TMEM108: variants seen among roughly 807,000 people sequenced by gnomAD.
TMEM108 encodes cancer/testis antigen 124.
TMEM108 carries 12 observed loss-of-function variants against 35.1 expected under a neutral mutation model. That is an observed-to-expected ratio of 0.34 (90% confidence interval 0.22 to 0.55). The LOEUF is 0.55. TMEM108 is among the 20% of genes least tolerant of loss of function. The pLI, the probability that TMEM108 is intolerant of heterozygous loss-of-function variation, is 0.89. For missense variants in TMEM108, 680 were observed against 753.3 expected, an observed-to-expected ratio of 0.90 and a Z score of 1.14; for synonymous variants, 287 against 308.6, an observed-to-expected ratio of 0.93 and a Z score of 0.73.
intron 2 of TMEM108, among the ~76,000 whole-genome samples, chr3:133,166,309 T>C (rs938257936): frequency 2.6e-5 from 4 of 152,196 alleles, no homozygotes; most frequent in Admixed American, 1.3e-4. Flanking sequence ...CATTTACCTA[T>C]GTAACAAATC....
At chr3:133,073,532 A>ATATATATATATATATATT (rs1324857078) in intron 2 of TMEM108, among the ~76,000 whole-genome samples, 8 of 134,416 alleles carry the variant, frequency 6.0e-5, no homozygotes, top group African/African-American at 2.3e-4. Context: ...ATATATATAT[A>ATATATATATATATATATT]TATCACATTT....
chr3:133,077,412 C>T (rs758087695), intron 2 of TMEM108, among the ~76,000 whole-genome samples: 1 of 152,064 alleles, frequency 6.6e-6, no homozygotes, highest in Non-Finnish European at 1.5e-5. Flanking sequence ...CAGGGGCAGG[C>T]GGTGAGATAG....
chr3:133,073,510 C>CTCTATATATATATATATATATA, intron 2 of TMEM108, among the ~76,000 whole-genome samples: 1 of 43,918 alleles, frequency 2.3e-5, no homozygotes, highest in South Asian at 8.2e-4. Flanking sequence ...CTCTCTCTCT[C>CTCTATATATATATATATATATA]TATATATATA....
intron 2 of TMEM108, among the ~76,000 whole-genome samples, chr3:133,097,963 G>A (rs1300570551): frequency 3.3e-5 from 5 of 152,218 alleles, no homozygotes; most frequent in Admixed American, 1.3e-4. Context: ...CAAGGAAAGA[G>A]AAGGGCTGCC....
chr3:133,343,732 G>A (rs975735343), intron 3 of TMEM108, among the ~76,000 whole-genome samples: 1 of 151,762 alleles, frequency 6.6e-6, no homozygotes, highest in African/African-American at 2.4e-5. Context: ...ATGTTAGGGT[G>A]TATAAACTCT....
At chr3:133,191,014 G>GA (rs550640714) in intron 2 of TMEM108, among the ~76,000 whole-genome samples, 1 of 98,638 alleles carries the variant, frequency 1.0e-5, no homozygotes, top group Admixed American at 1.0e-4. Context: ...TCTTAGCAAA[G>GA]AAAAAAAAAG....
intron 2 of TMEM108, among the ~76,000 whole-genome samples, chr3:133,206,997 TG>T (rs1945765716): frequency 1.3e-5 from 2 of 152,158 alleles, no homozygotes; most frequent in Non-Finnish European, 2.9e-5. Flanking sequence ...AGACATGCCC[TG>T]CCTAGAGAGG....
intron 4 of TMEM108, among the ~76,000 whole-genome samples, chr3:133,383,894 C>T (rs1039356306): frequency 2.0e-5 from 3 of 152,208 alleles, no homozygotes; most frequent in African/African-American, 7.2e-5. Context: ...GAGGCTCTTG[C>T]CTTGGCCCTG....
At chr3:133,265,230 A>C (rs960789584) in intron 3 of TMEM108, among the ~76,000 whole-genome samples, 3 of 152,188 alleles carry the variant, frequency 2.0e-5, no homozygotes, top group Non-Finnish European at 4.4e-5. Flanking sequence ...TATGTGTTCT[A>C]TTAACTTACT....
chr3:133,070,321 G>A (rs1254710985), intron 2 of TMEM108, among the ~76,000 whole-genome samples: 2 of 152,130 alleles, frequency 1.3e-5, no homozygotes, highest in African/African-American at 4.8e-5. Context: ...CACAAGTGAG[G>A]ACAAGAGAGG....
At chr3:133,334,122 A>G (rs952951815) in intron 3 of TMEM108, among the ~76,000 whole-genome samples, 2 of 152,138 alleles carry the variant, frequency 1.3e-5, no homozygotes, top group African/African-American at 2.4e-5. Context: ...CTGGGGAAAA[A>G]AAAAGAAAAA....
intron 2 of TMEM108, among the ~76,000 whole-genome samples, chr3:133,050,975 C>A (rs573439396): frequency 7.6e-6 from 1 of 131,340 alleles, no homozygotes; most frequent in Non-Finnish European, 1.7e-5. Flanking sequence ...AATCTGTGTG[C>A]GAGTTTTTTT....
intron 2 of TMEM108, among the ~76,000 whole-genome samples, chr3:133,201,276 AC>A (rs1395152418): frequency 4.0e-5 from 6 of 151,838 alleles, no homozygotes; most frequent in Non-Finnish European, 8.8e-5. Flanking sequence ...CAACTTTTAG[AC>A]CTGAATTTTA....
chr3:133,308,234 TG>T (rs2071071974), intron 3 of TMEM108, among the ~76,000 whole-genome samples: 1 of 152,214 alleles, frequency 6.6e-6, no homozygotes, highest in Non-Finnish European at 1.5e-5. Flanking sequence ...TTGCTGAAGT[TG>T]CTTATCAGCT....
chr3:133,044,138 G>T (rs1206656760), intron 1 of TMEM108, among the ~76,000 whole-genome samples: 1 of 152,150 alleles, frequency 6.6e-6, no homozygotes, highest in Admixed American at 6.5e-5. Context: ...TAGAAGAATA[G>T]AAATTACCTT....
intron 3 of TMEM108, among the ~76,000 whole-genome samples, chr3:133,362,510 C>T (rs1199548733): frequency 6.6e-6 from 1 of 152,162 alleles, no homozygotes; most frequent in African/African-American, 2.4e-5. Flanking sequence ...TCTCTATGAC[C>T]CTACTGAAGA....
At chr3:133,149,484 A>T (rs1285384752) in intron 2 of TMEM108, among the ~76,000 whole-genome samples, 1 of 152,164 alleles carries the variant, frequency 6.6e-6, no homozygotes, top group Non-Finnish European at 1.5e-5. Context: ...GAAAGTTTGT[A>T]TCCTTTGATC....
intron 3 of TMEM108, among the ~76,000 whole-genome samples, chr3:133,340,265 A>G (rs1047389061): frequency 6.6e-6 from 1 of 151,856 alleles, no homozygotes; most frequent in African/African-American, 2.4e-5. Flanking sequence ...TACAGCTGAT[A>G]CTGCAGAAAT....
intron 2 of TMEM108, among the ~76,000 whole-genome samples, chr3:133,175,418 G>C (rs1440701936): frequency 6.6e-6 from 1 of 152,202 alleles, no homozygotes; most frequent in Non-Finnish European, 1.5e-5. Flanking sequence ...AGGGCAGCCA[G>C]AGAGAAAGGT....
Sources: gnomAD v4.1 joint callset for allele counts (sites outside exome capture counted in the v4.1 genomes callset) on GRCh38, gnomAD v4.1.1 for gene constraint, MANE v1.5 for transcripts, NCBI Gene and HGNC (gene_info 2026-07-23, HGNC 2026-07-21) for gene names.